ADAMTSL1: variants seen among roughly 807,000 people sequenced by gnomAD.
ADAMTSL1 encodes the protein ADAMTS-like protein 1.
In ADAMTSL1, 126 loss-of-function variants were observed where a neutral mutation model predicts 201.8. The observed-to-expected ratio is 0.62, with a 90% confidence interval of 0.54 to 0.72. ADAMTSL1 has a LOEUF of 0.72. Ranked by LOEUF, ADAMTSL1 falls within the 30% of genes least tolerant of loss-of-function variation. The probability of loss-of-function intolerance (pLI) is 0.00; values close to 1 mark genes in which losing one functional copy is unlikely to be tolerated. For missense variants in ADAMTSL1, 2,679 were observed against 2,277.8 expected, an observed-to-expected ratio of 1.18 and a Z score of -3.59; for synonymous variants, 1,121 against 903.4, an observed-to-expected ratio of 1.24 and a Z score of -4.32.
At chr9:18,752,702 C>T (rs1819534237) in intron 15 of ADAMTSL1, among the ~76,000 whole-genome samples, 1 of 152,168 alleles carries the variant, frequency 6.6e-6, no homozygotes, top group Admixed American at 6.5e-5. Flanking sequence ...ACTTTACTTC[C>T]CTTCAAAAAG....
At chr9:18,429,280 C>G (rs7848193) in intron 2 of ADAMTSL1, among the ~76,000 whole-genome samples, 1 of 152,022 alleles carries the variant, frequency 6.6e-6, no homozygotes, top group Non-Finnish European at 1.5e-5. Context: ...GACTTCATAA[C>G]TTTTATAGTT....
rs796803585 is a variant in ADAMTSL1 at position 18,711,716 on chromosome 9, T to C, written c.1876+4668T>C. On this transcript the variant is annotated intron_variant, in intron 14 of 28. Transcript: ENST00000380548. ...GGCTTGCTTAGGTAAACAAAGCAGCTGGGAAGCTCGAACTGGGTGGAGCCC... is the reference window on the plus strand; with the variant it reads ...GGCTTGCTTAGGTAAACAAAGCAGCCGGGAAGCTCGAACTGGGTGGAGCCC... 8.8e-4 allele frequency among the ~76,000 whole-genome samples: 132 copies of C among 149,230 alleles called. 1 individual carries two copies. The South Asian group carries it at 0.011, about 13-fold the overall frequency.
intron 1 of ADAMTSL1, among the ~76,000 whole-genome samples, chr9:18,027,787 C>T (rs925040168): frequency 1.3e-4 from 20 of 151,900 alleles, no homozygotes; most frequent in Admixed American, 1.2e-3. Context: ...TGTTTTCTGC[C>T]TCAATGATCT....
intron 2 of ADAMTSL1, among the ~76,000 whole-genome samples, chr9:18,457,352 G>C (rs1045276423): frequency 5.3e-5 from 8 of 151,942 alleles, no homozygotes; most frequent in African/African-American, 1.9e-4. Flanking sequence ...TTTGTTTTTA[G>C]AAACAGGGTC....
chr9:18,237,940 C>T (rs1830912784), intron 2 of ADAMTSL1, among the ~76,000 whole-genome samples: 1 of 152,242 alleles, frequency 6.6e-6, no homozygotes, highest in African/African-American at 2.4e-5. Flanking sequence ...AAGCCAGGCA[C>T]ACTAGGGCAT....
intron 3 of ADAMTSL1, among the ~76,000 whole-genome samples, chr9:18,534,187 G>A (rs1002592432): frequency 6.6e-6 from 1 of 152,144 alleles, no homozygotes; most frequent in African/African-American, 2.4e-5. Flanking sequence ...TTTTAGAAAG[G>A]TTAATTTTTT....
At chr9:17,956,152 T>C (rs1827921275) in intron 1 of ADAMTSL1, among the ~76,000 whole-genome samples, 1 of 152,208 alleles carries the variant, frequency 6.6e-6, no homozygotes, top group Non-Finnish European at 1.5e-5. Flanking sequence ...GAAATTTACA[T>C]TTTTCATAAA....
chr9:18,540,944 G>C (rs963523784), intron 3 of ADAMTSL1, among the ~76,000 whole-genome samples: 4 of 152,254 alleles, frequency 2.6e-5, no homozygotes, highest in Admixed American at 6.5e-5. Flanking sequence ...ACTCTCTCCA[G>C]TAGTGGACCA....
chr9:18,514,021 A>G (rs1386089951), intron 2 of ADAMTSL1, among the ~76,000 whole-genome samples: 8 of 152,112 alleles, frequency 5.3e-5, no homozygotes, highest in Admixed American at 4.6e-4. Context: ...TTCCATTTCT[A>G]TAATAATCAG....
intron 1 of ADAMTSL1, among the ~76,000 whole-genome samples, chr9:17,965,886 C>T (rs1006191931): frequency 1.3e-5 from 2 of 152,164 alleles, no homozygotes; most frequent in African/African-American, 4.8e-5. Flanking sequence ...TAAAGCCAGG[C>T]AGCTTTTTTG....
At chr9:18,064,254 T>C (rs543893415) in intron 1 of ADAMTSL1, among the ~76,000 whole-genome samples, 1 of 152,016 alleles carries the variant, frequency 6.6e-6, no homozygotes, top group East Asian at 1.9e-4. Flanking sequence ...CGTGGAATGA[T>C]CAATGTAGTC....
At chr9:18,292,951 A>G (rs560087832) in intron 2 of ADAMTSL1, among the ~76,000 whole-genome samples, 36 of 152,216 alleles carry the variant, frequency 2.4e-4, no homozygotes, top group Non-Finnish European at 4.9e-4. Context: ...CTGTCCTTCT[A>G]GAGAACCTTG....
chr9:18,582,830 CACA>C (rs1004358592), intron 4 of ADAMTSL1, among the ~76,000 whole-genome samples: 1 of 150,328 alleles, frequency 6.7e-6, no homozygotes, highest in Non-Finnish European at 1.5e-5. Context: ...GCCTGGGCGA[CACA>C]ACGAGACTCC....
intron 1 of ADAMTSL1, among the ~76,000 whole-genome samples, chr9:18,135,389 G>A (rs1192840506): frequency 6.6e-6 from 1 of 152,124 alleles, no homozygotes; most frequent in African/African-American, 2.4e-5. Context: ...GGCTCAAAAT[G>A]TAAAATGCTT....
intron 23 of ADAMTSL1, among the ~76,000 whole-genome samples, chr9:18,864,869 G>A (rs548462316): frequency 6.6e-6 from 1 of 152,308 alleles, no homozygotes; most frequent in African/African-American, 2.4e-5. Flanking sequence ...AGCAAATAAT[G>A]AGGGGAACCC....
chr9:18,874,422 G>T (rs1382251850), intron 23 of ADAMTSL1, among the ~76,000 whole-genome samples: 1 of 152,054 alleles, frequency 6.6e-6, no homozygotes, highest in Non-Finnish European at 1.5e-5. Flanking sequence ...GTTGGCTGTG[G>T]ATTTGTCATA....
At chr9:17,921,352 G>A (rs35431891) in intron 1 of ADAMTSL1, among the ~76,000 whole-genome samples, 5 of 152,012 alleles carry the variant, frequency 3.3e-5, no homozygotes, top group African/African-American at 1.2e-4. Flanking sequence ...CTCTCTGCCC[G>A]CACAATTCTG....
At chr9:18,539,229 T>C (rs533592182) in intron 3 of ADAMTSL1, among the ~76,000 whole-genome samples, 1 of 152,340 alleles carries the variant, frequency 6.6e-6, no homozygotes, top group South Asian at 2.1e-4. Flanking sequence ...CCAACTCCTG[T>C]TCTGTACTAG....
chr9:18,632,734 G>T (rs1315603982), intron 5 of ADAMTSL1, among the ~76,000 whole-genome samples: 1 of 152,124 alleles, frequency 6.6e-6, no homozygotes, highest in Non-Finnish European at 1.5e-5. Flanking sequence ...CTGGCCAGGG[G>T]TCCATCAGCC....
Sources: allele counts gnomAD v4.1 joint callset (sites outside exome capture counted in the v4.1 genomes callset), GRCh38; gene constraint gnomAD v4.1.1; transcripts MANE v1.5; gene names NCBI Gene and HGNC (gene_info 2026-07-23, HGNC 2026-07-21).